CASK: variants seen among roughly 807,000 people sequenced by gnomAD.
The protein encoded by CASK is peripheral plasma membrane protein CASK.
CASK carries 4 observed loss-of-function variants against 82.9 expected under a neutral mutation model. The observed-to-expected ratio is 0.05, with a 90% CI of 0.02 to 0.11. CASK has a LOEUF of 0.11. Among genes scored for constraint, CASK ranks in the 10% least tolerant of loss-of-function variants. CASK has a pLI of 1.00. For missense variants in CASK, 358 were observed against 720.9 expected, an observed-to-expected ratio of 0.50 and a Z score of 5.76; for synonymous variants, 259 against 253.5, an observed-to-expected ratio of 1.02 and a Z score of -0.20.
At chrX:41,583,088 G>A (rs1003495260) in intron 14 of CASK, among the ~76,000 whole-genome samples, 1 of 111,384 alleles carries the variant, frequency 9.0e-6, no homozygotes, top group African/African-American at 3.3e-5. Context: ...TTACTTATTT[G>A]ATAAATGAAT....
intron 3 of CASK, among the ~76,000 whole-genome samples, chrX:41,770,295 T>TCTATCTATCTATCTATCTATCTAC (rs201602205): frequency 1.1e-5 from 1 of 93,138 alleles, no homozygotes; most frequent in African/African-American, 4.1e-5. Context: ...TATCTATCTA[T>TCTATCTATCTATCTATCTATCTAC]CTACCTACCT....
At chrX:41,547,348 A>G (rs2065037638) in intron 21 of CASK, among the ~76,000 whole-genome samples, 1 of 110,748 alleles carries the variant, frequency 9.0e-6, no homozygotes, top group South Asian at 3.8e-4. Flanking sequence ...TTTTCTTACA[A>G]TTTGTTTGTT....
At chrX:41,806,957 A>G (rs1470113189) in intron 2 of CASK, among the ~76,000 whole-genome samples, 4 of 111,727 alleles carry the variant, frequency 3.6e-5, no homozygotes, top group South Asian at 3.7e-4. Flanking sequence ...TGCCTTTGGA[A>G]CCACGTAAAT....
At chrX:41,915,732 G>GT (rs1485266663) in intron 1 of CASK, among the ~76,000 whole-genome samples, 1 of 110,213 alleles carries the variant, frequency 9.1e-6, no homozygotes, top group African/African-American at 3.3e-5. Flanking sequence ...GCTCACGCCT[G>GT]TAATCCCAGC....
intron 1 of CASK, among the ~76,000 whole-genome samples, chrX:41,920,311 G>A (rs1031957674): frequency 8.9e-6 from 1 of 111,977 alleles, no homozygotes; most frequent in Non-Finnish European, 1.9e-5. Flanking sequence ...CAAATTATAA[G>A]TTAAAAATGT....
At chrX:41,892,180 G>A (rs2072182523) in intron 1 of CASK, among the ~76,000 whole-genome samples, 1 of 109,052 alleles carries the variant, frequency 9.2e-6, no homozygotes, top group Non-Finnish European at 1.9e-5. Context: ...GTGACAGACT[G>A]AGACCCTGTC....
At chrX:41,705,869 T>C (rs2067877321) in intron 5 of CASK, among the ~76,000 whole-genome samples, 1 of 111,424 alleles carries the variant, frequency 9.0e-6, no homozygotes. Context: ...CCATTACTTA[T>C]TGAGACTTTC....
intron 21 of CASK, among the ~76,000 whole-genome samples, chrX:41,550,921 G>A (rs751923064): frequency 9.9e-5 from 11 of 110,667 alleles, no homozygotes; most frequent in East Asian, 8.5e-4. Flanking sequence ...AAAAACAAAC[G>A]AACCAACTTC....
intron 2 of CASK, among the ~76,000 whole-genome samples, chrX:41,799,901 T>C (rs1000151631): frequency 3.7e-5 from 4 of 106,825 alleles, no homozygotes; most frequent in Admixed American, 1.0e-4. Flanking sequence ...CGGGGTGGAT[T>C]TGGCAGCTAG....
intron 2 of CASK, among the ~76,000 whole-genome samples, chrX:41,840,540 T>C (rs761912289): frequency 1.8e-5 from 2 of 112,306 alleles, no homozygotes; most frequent in East Asian, 5.6e-4. Flanking sequence ...ACAGGTTTAC[T>C]TCTTTCCCCC....
At chrX:41,621,167 T>C (rs974705434) in intron 11 of CASK, among the ~76,000 whole-genome samples, 2 of 110,556 alleles carry the variant, frequency 1.8e-5, no homozygotes, top group Non-Finnish European at 3.8e-5. Flanking sequence ...GGGAAGAATC[T>C]TACATTTTAA....
At chrX:41,619,774 C>T (rs1326895413) in intron 11 of CASK, among the ~76,000 whole-genome samples, 1 of 111,707 alleles carries the variant, frequency 9.0e-6, no homozygotes, top group Admixed American at 9.5e-5. Context: ...AAAAGTTTTT[C>T]CCCTTACATT....
intron 11 of CASK, among the ~76,000 whole-genome samples, chrX:41,619,828 G>A (rs756916878): frequency 9.0e-5 from 10 of 111,348 alleles, no homozygotes; most frequent in Non-Finnish European, 1.9e-4. Context: ...TGAAAGAATC[G>A]TGCCCACCAC....
intron 1 of CASK, among the ~76,000 whole-genome samples, chrX:41,917,259 C>G (rs995228569): frequency 6.2e-5 from 7 of 112,134 alleles, no homozygotes; most frequent in Non-Finnish European, 1.1e-4. Flanking sequence ...CCCTCTGAAT[C>G]TCAGTGTTCT....
chrX:41,547,846 ATCTCC>A (rs1384774269), intron 21 of CASK, among the ~76,000 whole-genome samples: 1 of 110,794 alleles, frequency 9.0e-6, no homozygotes, highest in Non-Finnish European at 1.9e-5. Flanking sequence ...GATGGTCTCG[ATCTCC>A]TGACCTCATG....
At chrX:41,874,176 A>T (rs1408433561) in intron 1 of CASK, among the ~76,000 whole-genome samples, 1 of 110,272 alleles carries the variant, frequency 9.1e-6, no homozygotes, top group Non-Finnish European at 1.9e-5. Context: ...AACAGACTAG[A>T]TTTTTTTTTA....
chrX:41,637,740 CTCAGGCAA>C (rs1319579830), intron 8 of CASK, among the ~76,000 whole-genome samples: 1 of 110,621 alleles, frequency 9.0e-6, no homozygotes, highest in Non-Finnish European at 1.9e-5. Flanking sequence ...ACCTCCCTGG[CTCAGGCAA>C]TCCTCCCACC....
At chrX:41,645,071 T>C (rs1210054195) in intron 8 of CASK, among the ~76,000 whole-genome samples, 7 of 111,137 alleles carry the variant, frequency 6.3e-5, no homozygotes, top group Non-Finnish European at 9.4e-5. Context: ...CACCTACACC[T>C]ATTCGCACAC....
At chrX:41,582,040 C>T (rs1021034702) in intron 14 of CASK, among the ~76,000 whole-genome samples, 2 of 110,998 alleles carry the variant, frequency 1.8e-5, no homozygotes, top group Non-Finnish European at 3.8e-5. Context: ...CAACCATCAG[C>T]AAGTCCTCTT....
Sources: gnomAD v4.1 joint callset for allele counts (sites outside exome capture counted in the v4.1 genomes callset) on GRCh38, gnomAD v4.1.1 for gene constraint, MANE v1.5 for transcripts, NCBI Gene and HGNC (gene_info 2026-07-23, HGNC 2026-07-21) for gene names.